The following LRRC28 variants were observed in gnomAD, a reference collection of about 807,000 sequenced individuals.
LRRC28 encodes the protein leucine-rich repeat-containing protein 28.
Under a neutral mutation model 45.7 loss-of-function variants are expected in LRRC28, and 39 were observed. That is an observed-to-expected ratio of 0.85 (90% CI 0.66 to 1.12). LRRC28 has a LOEUF of 1.12. Among genes scored for constraint, LRRC28 ranks in the 50% most tolerant of loss-of-function variants. LRRC28 has a pLI of 0.00. For missense variants in LRRC28, 435 were observed against 438.5 expected (o/e 0.99, Z 0.07); for synonymous variants, 206 against 178.8 (o/e 1.15, Z -1.22).
At chr15:99,295,144 G>A (rs1359511176) in intron 5 of LRRC28, among the ~76,000 whole-genome samples, 1 of 152,222 alleles carries the variant, frequency 6.6e-6, no homozygotes, top group Non-Finnish European at 1.5e-5. Flanking sequence ...GTCATGTCTG[G>A]AAGTGGAAGT....
rs527989900 is a variant in LRRC28, at chr15:99,291,273, TG to T, written c.385+3323del. Among the ~76,000 whole-genome samples the T allele has an allele frequency of 3.3e-5, 5 of 152,322 alleles. No homozygotes were observed. In the East Asian group the frequency reaches 9.6e-4, roughly 29 times the overall value. ...GTTTCTATTTGTGTTTGGTTTTGCT[TG>T]TTTTGAGTAAAATTATATACCTTAA... On this transcript the variant is annotated intron_variant, in intron 5 of 9. Transcript: ENST00000301981.
At chr15:99,312,028 T>G (rs146296111) in intron 5 of LRRC28, among the ~76,000 whole-genome samples, 15 of 152,198 alleles carry the variant, frequency 9.9e-5, no homozygotes, top group Non-Finnish European at 2.1e-4. Flanking sequence ...GAATACTCAC[T>G]AAAAAAACCC....
At chr15:99,364,432 T>C (rs1957288441) in intron 9 of LRRC28, among the ~76,000 whole-genome samples, 1 of 152,368 alleles carries the variant, frequency 6.6e-6, no homozygotes, top group South Asian at 2.1e-4. Context: ...ATCTTCTGTA[T>C]TTTTAATGTT....
chr15:99,297,958 G>GA, intron 5 of LRRC28, among the ~76,000 whole-genome samples: 1 of 151,308 alleles, frequency 6.6e-6, no homozygotes, highest in East Asian at 1.9e-4. Context: ...AATACATACA[G>GA]AAAAATACTC....
intron 2 of LRRC28, among the ~76,000 whole-genome samples, chr15:99,268,168 C>T (rs1400032571): frequency 6.6e-6 from 1 of 152,154 alleles, no homozygotes; most frequent in Non-Finnish European, 1.5e-5. Context: ...CCACGTTTAT[C>T]GACTGTGGAG....
At chr15:99,337,486 T>C (rs1461848365) in intron 6 of LRRC28, among the ~76,000 whole-genome samples, 1 of 152,270 alleles carries the variant, frequency 6.6e-6, no homozygotes, top group East Asian at 1.9e-4. Context: ...ACCATGCTAA[T>C]GGCCGGTGTG....
chr15:99,278,269 A>G (rs1346491781), intron 3 of LRRC28, among the ~76,000 whole-genome samples: 2 of 152,162 alleles, frequency 1.3e-5, no homozygotes, highest in Admixed American at 6.5e-5. Flanking sequence ...ATTTTTTAAG[A>G]CCGAATTTCA....
At chr15:99,363,044 A>C in intron 8 of LRRC28, 62 bp from the exon 9 acceptor site, 1 of 1,510,952 alleles carries the variant, frequency 6.6e-7, no homozygotes, top group Non-Finnish European at 8.9e-7. Context: ...ATATTTTAAG[A>C]AGCGTAGTTT....
chr15:99,297,084 G>C lies in LRRC28; in HGVS notation c.385+9133G>C, dbSNP rs112252991. Among the ~76,000 whole-genome samples, 16 of 151,672 alleles carry C rather than the reference G, an allele frequency of 1.1e-4. 3 individuals carry two copies. The highest frequency in any genetic ancestry group is 3.6e-4 in the African/African-American group (15 of 41,294). ...TAATCCCAGCTATTCCGGAGGCTGAGGCAGGAGAATCGCCTGAACCCGGGA... is the reference window on the plus strand; with the variant it reads ...TAATCCCAGCTATTCCGGAGGCTGACGCAGGAGAATCGCCTGAACCCGGGA... On this transcript the variant is annotated intron_variant, in intron 5 of 9. Transcript: ENST00000301981.
intron 5 of LRRC28, among the ~76,000 whole-genome samples, chr15:99,293,332 G>A (rs2082174234): frequency 6.6e-6 from 1 of 151,992 alleles, no homozygotes; most frequent in South Asian, 2.1e-4. Flanking sequence ...GGTGGCTCAT[G>A]CCTGGAATCC....
chr15:99,269,575 T>A (rs2081420034), intron 2 of LRRC28, among the ~76,000 whole-genome samples: 1 of 152,214 alleles, frequency 6.6e-6, no homozygotes, highest in Non-Finnish European at 1.5e-5. Flanking sequence ...AGCTAATTTT[T>A]GTGTTTTTAG....
intron 2 of LRRC28, among the ~76,000 whole-genome samples, chr15:99,270,277 G>A (rs975150544): frequency 6.6e-6 from 1 of 152,148 alleles, no homozygotes. Flanking sequence ...TTATTGGGGT[G>A]AAACTGACAT....
chr15:99,259,351 C>T, intron 2 of LRRC28: 3 of 1,541,988 alleles, frequency 1.9e-6, no homozygotes, highest in Non-Finnish European at 2.7e-6. Flanking sequence ...GCATTCAGGC[C>T]CTTCCCGAAT....
At chr15:99,341,267 T>C (rs908192949) in intron 6 of LRRC28, among the ~76,000 whole-genome samples, 1 of 152,006 alleles carries the variant, frequency 6.6e-6, no homozygotes, top group African/African-American at 2.4e-5. Context: ...ATTTTTGTAT[T>C]TTTAATAGAG....
chr15:99,365,120 G>A (rs1263301971), intron 9 of LRRC28, among the ~76,000 whole-genome samples: 2 of 152,066 alleles, frequency 1.3e-5, no homozygotes, highest in Non-Finnish European at 1.5e-5. Context: ...ATTCATTTAC[G>A]AAAATAAAGT....
chr15:99,341,965 AAGC>A (rs1054869800), intron 6 of LRRC28, among the ~76,000 whole-genome samples: 8 of 152,184 alleles, frequency 5.3e-5, no homozygotes, highest in Non-Finnish European at 1.0e-4. Flanking sequence ...GCAGCTGAGC[AAGC>A]AGTTCAAGGC....
intron 7 of LRRC28, among the ~76,000 whole-genome samples, chr15:99,355,166 A>C (rs181881429): frequency 1.5e-4 from 23 of 152,364 alleles, no homozygotes; most frequent in East Asian, 3.9e-4. Context: ...GCTTCTTCTT[A>C]TTCTATGTTT....
chr15:99,367,937 T>C (rs537506292), intron 9 of LRRC28, among the ~76,000 whole-genome samples: 1 of 152,266 alleles, frequency 6.6e-6, no homozygotes, highest in South Asian at 2.1e-4. Flanking sequence ...TCTTGGTCTT[T>C]CTGGTGACCA....
At chr15:99,346,696 T>G (rs1198042913) in intron 6 of LRRC28, among the ~76,000 whole-genome samples, 1 of 152,178 alleles carries the variant, frequency 6.6e-6, no homozygotes, top group Non-Finnish European at 1.5e-5. Context: ...ATATTTTGTT[T>G]ATACTAAAGC....
Sources: allele counts gnomAD v4.1 joint callset (sites outside exome capture counted in the v4.1 genomes callset), GRCh38; gene constraint gnomAD v4.1.1; transcripts MANE v1.5; gene names NCBI Gene and HGNC (gene_info 2026-07-23, HGNC 2026-07-21).